Variants in PHACTR1 observed in about 807,000 individuals in gnomAD.
PHACTR1 encodes the protein phosphatase and actin regulator 1, also known as RPEL repeat containing 1.
A neutral mutation model predicts 69.2 loss-of-function variants in PHACTR1; 16 were observed. The ratio of observed to expected loss-of-function variants is 0.23; its 90% CI spans 0.16 to 0.35. The LOEUF is 0.35. Ranked by LOEUF, PHACTR1 falls within the 10% of genes least tolerant of loss-of-function variation. The probability of loss-of-function intolerance (pLI) is 1.00; values close to 1 mark genes in which losing one functional copy is unlikely to be tolerated. For synonymous variants in PHACTR1, 312 were observed against 284.5 expected (o/e 1.10, Z -0.97); for missense variants, 510 against 734.7 (o/e 0.69, Z 3.54).
chr6:12,827,981 T>C (rs190837659), intron 4 of PHACTR1, among the ~76,000 whole-genome samples: 1 of 152,320 alleles, frequency 6.6e-6, no homozygotes, highest in African/African-American at 2.4e-5. Context: ...AGCAATTGTT[T>C]AACATCCTTC....
rs571746342 is a variant in PHACTR1, at chr6:13,008,810, T to A, written c.251-44555T>A. On this transcript the variant is annotated intron_variant, in intron 4 of 14. Transcript: ENST00000332995. ...TAGAGCAAACCTGGAAAAAAATAGA[T>A]GCTATTCTTGTAATAAGAATATCAC... Among the ~76,000 whole-genome samples the A allele has an allele frequency of 2.6e-5, 4 of 152,378 alleles. No homozygotes were observed. The South Asian group carries it at 8.3e-4, about 32-fold the overall frequency.
intron 4 of PHACTR1, among the ~76,000 whole-genome samples, chr6:12,874,867 T>C (rs893075639): frequency 6.6e-6 from 1 of 152,196 alleles, no homozygotes; most frequent in Non-Finnish European, 1.5e-5. Context: ...CAGCTTGTCA[T>C]TTTGAAGGTT....
At chr6:12,764,113 T>C (rs1333607411) in intron 4 of PHACTR1, among the ~76,000 whole-genome samples, 2 of 152,112 alleles carry the variant, frequency 1.3e-5, no homozygotes, top group African/African-American at 2.4e-5. Flanking sequence ...GGGGACCAAG[T>C]AGAGAAGTAG....
At chr6:12,961,412 A>T (rs7745649) in intron 4 of PHACTR1, among the ~76,000 whole-genome samples, 3,492 of 152,258 alleles carry the variant, frequency 0.023, 131 homozygotes, top group African/African-American at 0.079. Context: ...CTTGGTTATA[A>T]ATTCATGTGC....
chr6:13,167,968 T>G (rs1561931521), intron 6 of PHACTR1, among the ~76,000 whole-genome samples: 1 of 152,256 alleles, frequency 6.6e-6, no homozygotes, highest in South Asian at 2.1e-4. Flanking sequence ...AAATGTAGAC[T>G]CGAGCCTTCT....
At chr6:12,914,785 A>C (rs1377674142) in intron 4 of PHACTR1, among the ~76,000 whole-genome samples, 1 of 152,188 alleles carries the variant, frequency 6.6e-6, no homozygotes, top group African/African-American at 2.4e-5. Context: ...GAGGACTCTT[A>C]AGGGCAGTCT....
At chr6:12,933,942 G>T in intron 4 of PHACTR1, 2 of 1,599,066 alleles carry the variant, frequency 1.3e-6, no homozygotes, top group Non-Finnish European at 1.7e-6. Flanking sequence ...GCGGGTTGGC[G>T]TGTGTATTCA....
At chr6:12,859,754 A>G (rs906128559) in intron 4 of PHACTR1, among the ~76,000 whole-genome samples, 1 of 152,170 alleles carries the variant, frequency 6.6e-6, no homozygotes, top group African/African-American at 2.4e-5. Context: ...ATGATACCTC[A>G]TCTTTGTACC....
chr6:12,905,665 C>T (rs1785647237), intron 4 of PHACTR1, among the ~76,000 whole-genome samples: 1 of 152,126 alleles, frequency 6.6e-6, no homozygotes, highest in African/African-American at 2.4e-5. Flanking sequence ...AAGGAATTAA[C>T]CAGGCAGAGA....
At chr6:13,007,216 A>T (rs1415460557) in intron 4 of PHACTR1, among the ~76,000 whole-genome samples, 2 of 152,248 alleles carry the variant, frequency 1.3e-5, no homozygotes, top group African/African-American at 4.8e-5. Context: ...TGTAATGTAA[A>T]CACACTTAAT....
At chr6:13,119,973 G>T (rs1393072089) in intron 5 of PHACTR1, among the ~76,000 whole-genome samples, 2 of 152,206 alleles carry the variant, frequency 1.3e-5, no homozygotes, top group South Asian at 4.2e-4. Context: ...GCTTCCTGGA[G>T]ATGCACCCTG....
intron 4 of PHACTR1, among the ~76,000 whole-genome samples, chr6:12,781,573 G>T (rs1168965335): frequency 6.6e-6 from 1 of 152,220 alleles, no homozygotes; most frequent in Non-Finnish European, 1.5e-5. Context: ...AGGAACAGAG[G>T]CTCAATGTTG....
intron 4 of PHACTR1, among the ~76,000 whole-genome samples, chr6:13,006,237 A>G (rs1798771497): frequency 6.6e-6 from 1 of 152,254 alleles, no homozygotes; most frequent in African/African-American, 2.4e-5. Flanking sequence ...TCGGCATGGC[A>G]GCCAAGGTTT....
At chr6:13,097,142 C>A (rs1411927891) in intron 5 of PHACTR1, among the ~76,000 whole-genome samples, 1 of 152,186 alleles carries the variant, frequency 6.6e-6, no homozygotes, top group Non-Finnish European at 1.5e-5. Context: ...GTAACCCACA[C>A]AATTATAGAC....
chr6:12,759,932 G>A (rs1767841711), intron 4 of PHACTR1, among the ~76,000 whole-genome samples: 1 of 152,192 alleles, frequency 6.6e-6, no homozygotes, highest in African/African-American at 2.4e-5. Context: ...TTTGAGCAAG[G>A]CATTTAACTT....
intron 5 of PHACTR1, among the ~76,000 whole-genome samples, chr6:13,062,463 C>T (rs1807818908): frequency 6.6e-6 from 1 of 152,182 alleles, no homozygotes; most frequent in Non-Finnish European, 1.5e-5. Context: ...ATGACTTTAA[C>T]AACCGCTATG....
chr6:12,930,685 G>A (rs1156272662), intron 4 of PHACTR1, among the ~76,000 whole-genome samples: 1 of 152,168 alleles, frequency 6.6e-6, no homozygotes, highest in Non-Finnish European at 1.5e-5. Flanking sequence ...AAGGGTGTAT[G>A]GGTACCATGA....
intron 5 of PHACTR1, among the ~76,000 whole-genome samples, chr6:13,108,697 C>T (rs7762786): frequency 0.24 from 36,307 of 151,758 alleles, 4,736 homozygotes; most frequent in African/African-American, 0.34. Context: ...GTCTAAATAG[C>T]ATATCTTTAT....
chr6:13,207,081 G>A (rs886348211), intron 8 of PHACTR1, among the ~76,000 whole-genome samples: 2 of 152,136 alleles, frequency 1.3e-5, no homozygotes, highest in South Asian at 4.1e-4. Flanking sequence ...ACATGCACAC[G>A]CACATGCACG....
Sources: allele counts gnomAD v4.1 joint callset (sites outside exome capture counted in the v4.1 genomes callset), GRCh38; gene constraint gnomAD v4.1.1; transcripts MANE v1.5; gene names NCBI Gene and HGNC (gene_info 2026-07-23, HGNC 2026-07-21).